NLGN4X: variants seen among roughly 807,000 people sequenced by gnomAD.
NLGN4X encodes the protein neuroligin-4, X-linked.
Under a neutral mutation model 40.3 loss-of-function variants are expected in NLGN4X, and 3 were observed. The observed-to-expected ratio is 0.07, with a 90% CI of 0.03 to 0.19. NLGN4X has a LOEUF of 0.19. NLGN4X is among the 10% of genes least tolerant of loss of function. NLGN4X has a pLI of 1.00. For synonymous variants in NLGN4X, 270 were observed against 306.8 expected (o/e 0.88, Z 1.25); for missense variants, 382 against 708.3 (o/e 0.54, Z 5.23).
chrX:5,975,588 G>A (rs777773692), intron 3 of NLGN4X, among the ~76,000 whole-genome samples: 139 of 99,256 alleles, frequency 1.4e-3, no homozygotes, highest in Non-Finnish European at 2.4e-3. Context: ...ACTCCAGCCT[G>A]GGCGACAAAG....
At chrX:6,131,079 G>T (rs2039669739) in intron 2 of NLGN4X, among the ~76,000 whole-genome samples, 1 of 110,339 alleles carries the variant, frequency 9.1e-6, no homozygotes. Context: ...TACACCTATG[G>T]ATACTCTTTT....
chrX:6,002,852 A>G (rs756080958), intron 3 of NLGN4X, among the ~76,000 whole-genome samples: 7 of 112,204 alleles, frequency 6.2e-5, no homozygotes, highest in African/African-American at 2.3e-4. Context: ...GTTGGACATC[A>G]GAGAGAAGTG....
intron 2 of NLGN4X, among the ~76,000 whole-genome samples, chrX:6,139,823 T>C (rs1230606774): frequency 8.9e-6 from 1 of 111,904 alleles, no homozygotes; most frequent in Non-Finnish European, 1.9e-5. Flanking sequence ...GCCTTGTCTA[T>C]GCTGATTGCA....
chrX:6,177,356 A>AC (rs1179788078), intron 1 of NLGN4X, among the ~76,000 whole-genome samples: 1 of 111,266 alleles, frequency 9.0e-6, no homozygotes, highest in Non-Finnish European at 1.9e-5. Context: ...ATGGGGTTTC[A>AC]CCATGTTGGC....
Position 5,958,864 on chromosome X carries a change from C to G in NLGN4X, c.626-49625G>C, listed in dbSNP as rs770738319. ...CATTAGGTTCAGCCCGTGGGGCTCCCCTAGGTCAAACTGTAAAGTCAATGT... is the reference window on the plus strand; with the variant it reads ...CATTAGGTTCAGCCCGTGGGGCTCCGCTAGGTCAAACTGTAAAGTCAATGT... On this transcript the variant is annotated intron_variant, in intron 3 of 5. Coordinates refer to ENST00000381095, the MANE Select transcript of NLGN4X (RefSeq NM_181332.3). Among the ~76,000 whole-genome samples, 8 of 112,288 alleles carry G rather than the reference C, an allele frequency of 7.1e-5. No individual in the cohort carries two copies. The South Asian group carries it at 3.0e-3, about 42-fold the overall frequency.
At chrX:6,182,363 C>T (rs1245034787) in intron 1 of NLGN4X, among the ~76,000 whole-genome samples, 1 of 110,650 alleles carries the variant, frequency 9.0e-6, no homozygotes, top group African/African-American at 3.3e-5. Context: ...AAGCAGCCAT[C>T]AGGGAGAAAA....
intron 3 of NLGN4X, among the ~76,000 whole-genome samples, chrX:5,917,923 G>A (rs2032873508): frequency 8.9e-6 from 1 of 111,971 alleles, no homozygotes; most frequent in Admixed American, 9.5e-5. Context: ...TTTGCATAAA[G>A]GGGGTATGTA....
At chrX:5,986,840 A>C (rs2035542497) in intron 3 of NLGN4X, among the ~76,000 whole-genome samples, 1 of 111,907 alleles carries the variant, frequency 8.9e-6, no homozygotes, top group Non-Finnish European at 1.9e-5. Flanking sequence ...CAGAAAAATA[A>C]AATAGAACTT....
intron 2 of NLGN4X, among the ~76,000 whole-genome samples, chrX:6,149,478 C>A (rs746842353): frequency 3.3e-4 from 37 of 111,676 alleles, no homozygotes; most frequent in Admixed American, 8.6e-4. Context: ...GATCTCAACC[C>A]AGGTGGCTGC....
intron 3 of NLGN4X, among the ~76,000 whole-genome samples, chrX:5,974,329 A>C (rs899113001): frequency 8.9e-6 from 1 of 112,210 alleles, no homozygotes. Context: ...AAACTTGAGA[A>C]ATAGCACATT....
At chrX:5,948,483 T>C (rs748689269) in intron 3 of NLGN4X, among the ~76,000 whole-genome samples, 2 of 112,382 alleles carry the variant, frequency 1.8e-5, no homozygotes, top group East Asian at 5.6e-4. Flanking sequence ...GCCATCTTTC[T>C]ATTTTAAAGG....
At chrX:6,131,008 C>G (rs867582557) in intron 2 of NLGN4X, among the ~76,000 whole-genome samples, 1 of 111,391 alleles carries the variant, frequency 9.0e-6, no homozygotes, top group South Asian at 3.8e-4. Flanking sequence ...GCTTTCTATT[C>G]CAAGCAATAG....
rs1045108623 is a variant in NLGN4X at position 5,892,023 on chromosome X, T to C, written c.*794A>G. On this transcript the variant is annotated 3_prime_UTR_variant, in exon 6 of 6. Transcript: ENST00000381095. ...TTTGTTGGGGAGGAAACAGAGGTGA[T>C]ATGACTAATGTGTGTGTGTGTGTGT... 4.5e-5 allele frequency: 6 copies of C among 134,495 alleles called. No homozygotes were observed. The highest frequency in any genetic ancestry group is 8.6e-5 in the Non-Finnish European group (6 of 69,798). 11.1% of individuals were successfully genotyped at this position (134,495 alleles called of 1,213,427 possible). A position where few individuals can be genotyped will look rare whatever the true frequency, so the allele number is the denominator to read the frequency against.
intron 2 of NLGN4X, among the ~76,000 whole-genome samples, chrX:6,038,554 A>G (rs1473784179): frequency 8.8e-6 from 1 of 113,115 alleles, no homozygotes; most frequent in African/African-American, 3.2e-5. Context: ...GCACCTTGAA[A>G]AATTGGTTAG....
chrX:6,114,232 T>G (rs1359569463), intron 2 of NLGN4X, among the ~76,000 whole-genome samples: 1 of 111,861 alleles, frequency 8.9e-6, no homozygotes, highest in Non-Finnish European at 1.9e-5. Flanking sequence ...TTTAAATGGC[T>G]TTAGGCAAAA....
At chrX:6,037,381 C>T (rs947074869) in intron 2 of NLGN4X, among the ~76,000 whole-genome samples, 7 of 109,840 alleles carry the variant, frequency 6.4e-5, no homozygotes, top group Non-Finnish European at 1.3e-4. Context: ...TGAAAATTAA[C>T]ATCAAAGGAA....
At chrX:6,174,225 T>A (rs1422299293) in intron 1 of NLGN4X, among the ~76,000 whole-genome samples, 2 of 110,092 alleles carry the variant, frequency 1.8e-5, no homozygotes, top group African/African-American at 6.6e-5. Flanking sequence ...AGAAACCATC[T>A]CACACCAGTC....
At chrX:6,171,399 A>T (rs1294367110) in intron 1 of NLGN4X, among the ~76,000 whole-genome samples, 2 of 112,046 alleles carry the variant, frequency 1.8e-5, no homozygotes, top group Non-Finnish European at 3.8e-5. Flanking sequence ...TCACTCTAGG[A>T]TTCCAGCTGT....
chrX:5,974,697 C>T (rs780910948), intron 3 of NLGN4X, among the ~76,000 whole-genome samples: 3 of 111,345 alleles, frequency 2.7e-5, no homozygotes, highest in East Asian at 2.8e-4. Flanking sequence ...ACGGGGGACA[C>T]GTACCAAGAC....
Sources: allele counts gnomAD v4.1 joint callset (sites outside exome capture counted in the v4.1 genomes callset), GRCh38; gene constraint gnomAD v4.1.1; transcripts MANE v1.5; gene names NCBI Gene and HGNC (gene_info 2026-07-23, HGNC 2026-07-21).